ANXA8: variants seen among roughly 807,000 people sequenced by gnomAD.
The protein encoded by ANXA8 is annexin A8, also known as VAC-beta.
ANXA8 carries 9 observed loss-of-function variants against 26.8 expected under a neutral mutation model. The ratio of observed to expected loss-of-function variants is 0.34; its 90% CI spans 0.20 to 0.59. ANXA8 has a LOEUF of 0.59. ANXA8 is among the 20% of genes least tolerant of loss of function. ANXA8 has a pLI of 0.84. For synonymous variants in ANXA8, 39 were observed against 94.8 expected (o/e 0.41, Z 3.42); for missense variants, 83 against 238.5 (o/e 0.35, Z 4.29).
At chr10:47,967,958 C>T in the ANXA8 span, among the ~76,000 whole-genome samples, 2 of 81,960 alleles carry the variant, frequency 2.4e-5, no homozygotes, top group African/African-American at 6.2e-5. Flanking sequence ...ATTTAGCAAT[C>T]AACAGCATGG....
chr10:47,722,950 A>G, the ANXA8 span, among the ~76,000 whole-genome samples: 1 of 139,482 alleles, frequency 7.2e-6, no homozygotes, highest in Non-Finnish European at 1.6e-5. Context: ...AGTGATTGGT[A>G]GGTAAAGAGA....
the ANXA8 span, among the ~76,000 whole-genome samples, chr10:47,615,380 A>G: frequency 4.4e-5 from 3 of 67,910 alleles, 1 homozygote; most frequent in African/African-American, 1.3e-4. Flanking sequence ...AGAAACATTA[A>G]CTCAATATCA....
the ANXA8 span, among the ~76,000 whole-genome samples, chr10:47,765,884 G>GCT: frequency 6.7e-6 from 1 of 149,264 alleles, no homozygotes; most frequent in Non-Finnish European, 1.5e-5. Flanking sequence ...TATGCACTGG[G>GCT]CTCTCCCACC....
the ANXA8 span, among the ~76,000 whole-genome samples, chr10:47,666,240 G>A: frequency 2.0e-5 from 3 of 147,030 alleles, no homozygotes; most frequent in South Asian, 2.1e-4. Flanking sequence ...TTATGTGAGA[G>A]CATTAGAGGC....
the ANXA8 span, among the ~76,000 whole-genome samples, chr10:47,528,280 C>T: frequency 7.1e-6 from 1 of 141,792 alleles, no homozygotes; most frequent in East Asian, 2.5e-4. Flanking sequence ...GGGGTTTCAA[C>T]GTGTTAGCCA....
At chr10:47,595,653 C>G in the ANXA8 span, among the ~76,000 whole-genome samples, 4 of 146,334 alleles carry the variant, frequency 2.7e-5, no homozygotes, top group Non-Finnish European at 4.5e-5. Context: ...AAAACAGAAA[C>G]AAGGACAAAA....
At chr10:47,622,249 T>C in the ANXA8 span, among the ~76,000 whole-genome samples, 2 of 111,850 alleles carry the variant, frequency 1.8e-5, no homozygotes, top group African/African-American at 7.0e-5. Context: ...CTTGTAGACA[T>C]GCTCACAGAT....
At chr10:47,579,864 T>TAAC in the ANXA8 span, among the ~76,000 whole-genome samples, 5 of 140,748 alleles carry the variant, frequency 3.6e-5, no homozygotes, top group Admixed American at 3.6e-4. Flanking sequence ...CAAGAAGATG[T>TAAC]AACAATTATA....
chr10:47,939,269 C>G, the ANXA8 span, among the ~76,000 whole-genome samples: 1 of 135,988 alleles, frequency 7.4e-6, no homozygotes, highest in Non-Finnish European at 1.5e-5. Context: ...CACCATTGCA[C>G]TCCAGCCTGG....
the ANXA8 span, among the ~76,000 whole-genome samples, chr10:47,637,010 C>T: frequency 6.6e-6 from 1 of 151,224 alleles, no homozygotes; most frequent in Non-Finnish European, 1.5e-5. Context: ...TCTCACTTTG[C>T]GTCATTACCA....
chr10:47,743,195 GA>G, the ANXA8 span, among the ~76,000 whole-genome samples: 1 of 125,146 alleles, frequency 8.0e-6, no homozygotes, highest in Non-Finnish European at 1.7e-5. Context: ...AAAAGAAATG[GA>G]AAAAGAAAAA....
chr10:47,659,698 T>C, the ANXA8 span, among the ~76,000 whole-genome samples: 2 of 151,032 alleles, frequency 1.3e-5, no homozygotes, highest in Admixed American at 6.6e-5. Context: ...AAAAAGAGTG[T>C]TTTAGCAAAA....
chr10:47,738,691 C>CTCAG, the ANXA8 span, among the ~76,000 whole-genome samples: 1 of 152,044 alleles, frequency 6.6e-6, no homozygotes, highest in South Asian at 2.1e-4. Context: ...ATCCTCCCAC[C>CTCAG]TCAGCCTCCT....
At chr10:47,748,150 T>G in the ANXA8 span, among the ~76,000 whole-genome samples, 4 of 151,684 alleles carry the variant, frequency 2.6e-5, no homozygotes, top group African/African-American at 9.7e-5. Flanking sequence ...TGATAAAGCT[T>G]TATGATCCCC....
At chr10:47,502,779 C>T in the ANXA8 span, 1 of 1,570,634 alleles carries the variant, frequency 6.4e-7, no homozygotes, top group African/African-American at 1.4e-5. Flanking sequence ...TTTTACTGCT[C>T]TTGCATGACT....
At chr10:47,761,238 G>C in the ANXA8 span, among the ~76,000 whole-genome samples, 20 of 147,900 alleles carry the variant, frequency 1.4e-4, no homozygotes, top group African/African-American at 5.0e-4. Context: ...TTGCTTATGT[G>C]CACTGAGCCT....
chr10:47,940,425 T>A, the ANXA8 span, among the ~76,000 whole-genome samples: 1 of 147,018 alleles, frequency 6.8e-6, no homozygotes, highest in Non-Finnish European at 1.5e-5. Context: ...ATGCAGCCAA[T>A]CAAGACTCCA....
At chr10:47,940,749 A>G in the ANXA8 span, among the ~76,000 whole-genome samples, 1 of 145,734 alleles carries the variant, frequency 6.9e-6, no homozygotes. Context: ...AAATGCTTGA[A>G]TTTGGAGGGA....
the ANXA8 span, among the ~76,000 whole-genome samples, chr10:47,777,055 T>C: frequency 1.3e-5 from 2 of 152,002 alleles, no homozygotes; most frequent in African/African-American, 4.8e-5. Flanking sequence ...AAATATAGCT[T>C]CTAGGAAGTG....
Sources: gnomAD v4.1 joint callset for allele counts (sites outside exome capture counted in the v4.1 genomes callset) on GRCh38, gnomAD v4.1.1 for gene constraint, MANE v1.5 for transcripts, NCBI Gene and HGNC (gene_info 2026-07-23, HGNC 2026-07-21) for gene names.